The following GNA14 variants were observed in gnomAD, a reference collection of about 807,000 sequenced individuals.
The protein encoded by GNA14 is G protein subunit alpha 14.
Under a neutral mutation model 42.0 loss-of-function variants are expected in GNA14, and 50 were observed. The ratio of observed to expected loss-of-function variants is 1.19; its 90% CI spans 0.95 to 1.51. The LOEUF is 1.51. GNA14 is among the 40% of genes most tolerant of loss of function. GNA14 has a pLI of 0.00. For missense variants in GNA14, 473 were observed against 446.2 expected (o/e 1.06, Z -0.54); for synonymous variants, 173 against 163.1 (o/e 1.06, Z -0.46).
In GNA14 at chr9:77,618,581, AATATATATATATATATATATAT is replaced by A. The variant is rs1181899033; in HGVS notation, c.124+29067_124+29088del. 5.9e-4 allele frequency among the ~76,000 whole-genome samples: 25 copies of A among 42,612 alleles called. 1 individual carries two copies. The highest frequency in any genetic ancestry group is 1.5e-3 in the African/African-American group (16 of 10,568). The allele number at this position is 42,612 out of a possible 152,430, so 28.0% of individuals were successfully genotyped here. A position where few individuals can be genotyped will look rare whatever the true frequency, so the allele number is the denominator to read the frequency against. On this transcript the variant is annotated intron_variant, in intron 1 of 6. Coordinates refer to ENST00000341700, the MANE Select transcript of GNA14 (RefSeq NM_004297.4). Reference sequence around the variant, plus strand: ...ATTATATGCTGGATGATTACATTTGAATATATATATATATATATATATATATATATATATATATATTTTTTTT... The same window carrying A: ...ATTATATGCTGGATGATTACATTTGAATATATATATATATATATTTTTTTT...
chr9:77,612,369 T>G (rs1194282590), intron 1 of GNA14, among the ~76,000 whole-genome samples: 1 of 152,172 alleles, frequency 6.6e-6, no homozygotes, highest in Non-Finnish European at 1.5e-5. Flanking sequence ...AAGATCCTTT[T>G]CCAGACATCA....
At chr9:77,443,928 G>A (rs1473812965) in intron 2 of GNA14, among the ~76,000 whole-genome samples, 1 of 152,220 alleles carries the variant, frequency 6.6e-6, no homozygotes, top group Non-Finnish European at 1.5e-5. Flanking sequence ...GCTAGAGTAA[G>A]CTATGATTGT....
Position 77,647,911 on chromosome 9 carries a change from G to T in GNA14, c.-118C>A. 1 of 1,239,748 alleles carries T rather than the reference G, an allele frequency of 8.1e-7. No homozygotes were observed. The highest frequency in any genetic ancestry group is 1.1e-6 in the Non-Finnish European group (1 of 901,988). 76.8% of individuals were successfully genotyped at this position (1,239,748 alleles called of 1,614,324 possible). ...CAGGGGTGTGGAAAGAAAAGACGGG[G>T]GCCGACTTGAGCTTTGGAGTAAGAC... On this transcript the variant is annotated 5_prime_UTR_variant, in exon 1 of 7. Transcript: ENST00000341700.
Position 77,423,760 on chromosome 9 carries a change from A to G in GNA14, c.*219T>C, listed in dbSNP as rs1411390898. Reference sequence around the variant, plus strand: ...AATCTTATAGCCAAAAGTCAAGAAAATAATTATAAACACAATTTGGGATGT... The same window carrying G: ...AATCTTATAGCCAAAAGTCAAGAAAGTAATTATAAACACAATTTGGGATGT... On this transcript the variant is annotated 3_prime_UTR_variant, in exon 7 of 7. Coordinates refer to ENST00000341700, the MANE Select transcript of GNA14 (RefSeq NM_004297.4). 3.0e-6 allele frequency: 1 copy of G among 329,712 alleles called. No individual in the cohort carries two copies. 20.4% of individuals were successfully genotyped at this position (329,712 alleles called of 1,614,324 possible).
intron 1 of GNA14, among the ~76,000 whole-genome samples, chr9:77,551,823 G>A (rs1837790449): frequency 6.6e-6 from 1 of 152,072 alleles, no homozygotes; most frequent in Non-Finnish European, 1.5e-5. Context: ...TAGAAGGCCA[G>A]TATTTGCAAA....
chr9:77,564,975 A>C (rs2131791516), intron 1 of GNA14, among the ~76,000 whole-genome samples: 1 of 152,322 alleles, frequency 6.6e-6, no homozygotes, highest in East Asian at 1.9e-4. Flanking sequence ...GAATATACAC[A>C]TCTATGAAAA....
At chr9:77,531,835 A>G (rs1211888581) in intron 1 of GNA14, among the ~76,000 whole-genome samples, 2 of 152,234 alleles carry the variant, frequency 1.3e-5, no homozygotes, top group African/African-American at 4.8e-5. Flanking sequence ...TTTTTATTTC[A>G]GACATGGAGT....
At chr9:77,434,172 A>ATCCACAGAG (rs1443206569) in intron 3 of GNA14, among the ~76,000 whole-genome samples, 196 bp downstream of exon 3, 1 of 152,174 alleles carries the variant, frequency 6.6e-6, no homozygotes, top group Non-Finnish European at 1.5e-5. Flanking sequence ...GAGGTCTGCG[A>ATCCACAGAG]TCCACAGAGT....
intron 1 of GNA14, among the ~76,000 whole-genome samples, chr9:77,620,996 C>T (rs994182356): frequency 1.3e-5 from 2 of 151,876 alleles, no homozygotes; most frequent in African/African-American, 2.4e-5. Context: ...TACAGTGGCA[C>T]GATCTCAGCT....
intron 1 of GNA14, among the ~76,000 whole-genome samples, chr9:77,604,745 A>G (rs1476134224): frequency 1.3e-5 from 2 of 152,182 alleles, no homozygotes; most frequent in African/African-American, 4.8e-5. Context: ...TGTAGAACAG[A>G]AACAATACCT....
intron 1 of GNA14, among the ~76,000 whole-genome samples, chr9:77,583,139 C>G (rs1297089056): frequency 2.6e-5 from 4 of 152,198 alleles, no homozygotes; most frequent in Non-Finnish European, 5.9e-5. Flanking sequence ...TTCACCCTAT[C>G]TCTAATTGGG....
At chr9:77,606,761 C>T (rs111383703) in intron 1 of GNA14, among the ~76,000 whole-genome samples, 1 of 152,114 alleles carries the variant, frequency 6.6e-6, no homozygotes, top group Non-Finnish European at 1.5e-5. Flanking sequence ...CTGTTATGAG[C>T]GGAATGTTTA....
At chr9:77,441,874 C>G (rs1329462939) in intron 2 of GNA14, among the ~76,000 whole-genome samples, 1 of 152,068 alleles carries the variant, frequency 6.6e-6, no homozygotes, top group African/African-American at 2.4e-5. Context: ...ATTCCATAAC[C>G]ATCAGCTTTT....
At chr9:77,647,623 G>C (rs1323877606) in intron 1 of GNA14, 47 bp downstream of exon 1, 1 of 1,584,856 alleles carries the variant, frequency 6.3e-7, no homozygotes, top group African/African-American at 1.3e-5. Context: ...GGGAGGGCTC[G>C]GAAGAAAAAC....
intron 2 of GNA14, among the ~76,000 whole-genome samples, chr9:77,478,356 C>T (rs1398000119): frequency 6.6e-6 from 1 of 152,150 alleles, no homozygotes; most frequent in African/African-American, 2.4e-5. Flanking sequence ...AGGACATGAA[C>T]TCAACATTTT....
intron 2 of GNA14, among the ~76,000 whole-genome samples, chr9:77,466,047 T>C (rs1370794966): frequency 2.0e-5 from 3 of 152,242 alleles, no homozygotes; most frequent in East Asian, 3.8e-4. Context: ...CTCTTTCACT[T>C]TGACTTTCAA....
intron 2 of GNA14, among the ~76,000 whole-genome samples, chr9:77,482,478 G>T (rs1330443001): frequency 6.6e-6 from 1 of 152,158 alleles, no homozygotes; most frequent in South Asian, 2.1e-4. Context: ...CTCTCTGGCT[G>T]CCCTTAACAT....
intron 1 of GNA14, among the ~76,000 whole-genome samples, chr9:77,530,120 G>A (rs983170631): frequency 3.3e-5 from 5 of 152,144 alleles, no homozygotes; most frequent in African/African-American, 9.7e-5. Flanking sequence ...ATACAGGTCA[G>A]ACCTGTGTCC....
At chr9:77,470,759 A>G (rs970815760) in intron 2 of GNA14, among the ~76,000 whole-genome samples, 2 of 152,316 alleles carry the variant, frequency 1.3e-5, no homozygotes, top group East Asian at 1.9e-4. Context: ...TACAAGAAGC[A>G]TGGCTGGGAG....
Sources: allele counts gnomAD v4.1 joint callset (sites outside exome capture counted in the v4.1 genomes callset), GRCh38; gene constraint gnomAD v4.1.1; transcripts MANE v1.5; gene names NCBI Gene and HGNC (gene_info 2026-07-23, HGNC 2026-07-21).